The following NWD1 variants were observed in gnomAD, a reference collection of about 807,000 sequenced individuals.
NWD1 encodes NACHT and WD repeat domain containing 1.
NWD1 carries 129 observed loss-of-function variants against 135.1 expected under a neutral mutation model. The ratio of observed to expected loss-of-function variants is 0.96; its 90% CI spans 0.83 to 1.11. The LOEUF (loss-of-function observed/expected upper bound fraction) is 1.11, where lower values mean the gene tolerates loss of function less well. NWD1 is among the 50% of genes least tolerant of loss of function. NWD1 has a pLI of 0.00. For missense variants in NWD1, 1,740 were observed against 1,851.3 expected, an observed-to-expected ratio of 0.94 and a Z score of 1.10; for synonymous variants, 773 against 786.0, an observed-to-expected ratio of 0.98 and a Z score of 0.28.
chr19:16,722,509 A>C (rs1599411456), intron 1 of NWD1, among the ~76,000 whole-genome samples: 1 of 151,664 alleles, frequency 6.6e-6, no homozygotes, highest in Admixed American at 6.6e-5. Flanking sequence ...GGCTGGTCTC[A>C]AACTCCTGAC....
chr19:16,759,958 T>C (rs539997897), intron 7 of NWD1, among the ~76,000 whole-genome samples: 1 of 152,022 alleles, frequency 6.6e-6, no homozygotes, highest in African/African-American at 2.4e-5. Flanking sequence ...CGCACCACTG[T>C]ACTCCAGCCT....
chr19:16,725,955 TG>T (rs1226326017), intron 2 of NWD1, among the ~76,000 whole-genome samples: 1 of 141,986 alleles, frequency 7.0e-6, no homozygotes, highest in African/African-American at 2.6e-5. Context: ...GTTTTTTTTT[TG>T]TTTGTTTTTT....
rs538490809 is a variant in NWD1 at position 16,759,199 on chromosome 19, C to A, written c.1770-26C>A. ...AATGCAGAAGACATGAGATGTGCCT[C>A]AAAGCCCCACTGGTCCTCCCTTCAG... On this transcript the variant is annotated intron_variant, in intron 6 of 18. Coordinates refer to ENST00000524140, the MANE Select transcript of NWD1 (RefSeq NM_001007525.5). The A allele has an allele frequency of 8.2e-6, 13 of 1,594,906 alleles. No individual in the cohort carries two copies. The East Asian group carries it at 2.2e-4, about 27-fold the overall frequency.
chr19:16,810,696 G>A (rs1385210223), intron 18 of NWD1, among the ~76,000 whole-genome samples: 6 of 152,142 alleles, frequency 3.9e-5, no homozygotes, highest in South Asian at 2.1e-4. Flanking sequence ...CCTGGAGTTC[G>A]AGGCTGTAGT....
At chr19:16,727,732 A>AG in intron 2 of NWD1, 2 of 153,418 alleles carry the variant, frequency 1.3e-5, no homozygotes, top group Non-Finnish European at 2.9e-5. Flanking sequence ...AGGCGGTGTC[A>AG]GGGCAATGGG....
chr19:16,799,364 T>C, intron 16 of NWD1, among the ~76,000 whole-genome samples: 1 of 151,486 alleles, frequency 6.6e-6, no homozygotes, highest in East Asian at 1.9e-4. Context: ...CTTGGCTGAT[T>C]TTTGTATTTT....
chr19:16,790,718 CTAGTA>C (rs1333602454), intron 13 of NWD1, among the ~76,000 whole-genome samples: 2 of 151,248 alleles, frequency 1.3e-5, no homozygotes, highest in African/African-American at 4.9e-5. Flanking sequence ...ATTCAAAGAC[CTAGTA>C]TAGTAAAAAT....
intron 8 of NWD1, among the ~76,000 whole-genome samples, chr19:16,763,004 G>C (rs1055344153): frequency 6.6e-6 from 1 of 151,848 alleles, no homozygotes; most frequent in African/African-American, 2.4e-5. Context: ...GGCTGGTCTC[G>C]AACTCCTGAT....
chr19:16,815,205 T>C lies in NWD1; in HGVS notation c.*166T>C. 1 of 812,418 alleles carries C rather than the reference T, an allele frequency of 1.2e-6. No individual in the cohort carries two copies. Among genetic ancestry groups the C allele is most frequent in the Non-Finnish European group, 2.2e-6 (1 of 447,000 alleles). 50.3% of individuals were successfully genotyped at this position (812,418 alleles called of 1,614,324 possible). On this transcript the variant is annotated 3_prime_UTR_variant, in exon 19 of 19. Coordinates refer to ENST00000524140, the MANE Select transcript of NWD1 (RefSeq NM_001007525.5). ...AACTTCAAGAAGGCAATGTGGATGG[T>C]CAAATCCAGGCAGAGAGAGGAGCTA...
chr19:16,807,433 C>T (rs548123092), intron 17 of NWD1, among the ~76,000 whole-genome samples, 153 bp from the exon 18 acceptor site: 5 of 152,148 alleles, frequency 3.3e-5, no homozygotes, highest in South Asian at 4.2e-4. Context: ...GTGGAGGTTA[C>T]GGTGACCTGA....
intron 6 of NWD1, among the ~76,000 whole-genome samples, chr19:16,756,351 T>C (rs943274289): frequency 6.6e-6 from 1 of 152,000 alleles, no homozygotes; most frequent in African/African-American, 2.4e-5. Flanking sequence ...TCACATTGAG[T>C]AGGCAGAGGA....
chr19:16,807,145 G>A (rs557942479), intron 17 of NWD1, among the ~76,000 whole-genome samples: 64 of 148,594 alleles, frequency 4.3e-4, no homozygotes, highest in Middle Eastern at 3.5e-3. Flanking sequence ...CTTCAGTCTC[G>A]CCACTGCACT....
At chr19:16,745,836 G>C (rs1968290066) in intron 5 of NWD1, among the ~76,000 whole-genome samples, 2 of 152,108 alleles carry the variant, frequency 1.3e-5, no homozygotes, top group Non-Finnish European at 2.9e-5. Context: ...AGGATCGCTG[G>C]AGCCCGGGAG....
At position 16,802,793 on chromosome 19, in the gene NWD1, G is replaced by A. The variant is rs111502996; in HGVS notation, c.3736+2631G>A. On this transcript the variant is annotated intron_variant, in intron 17 of 18. Transcript: ENST00000524140. ...AGGCAGGCGCATCATTTGAGGTCAGGTGTTCGAGACTAGCCTGGCCAACAT... is the reference window on the plus strand; with the variant it reads ...AGGCAGGCGCATCATTTGAGGTCAGATGTTCGAGACTAGCCTGGCCAACAT... Among the ~76,000 whole-genome samples, 227 of 152,110 alleles carry A rather than the reference G, an allele frequency of 1.5e-3. 2 individuals are homozygous for A. The highest frequency in any genetic ancestry group is 5.1e-3 in the African/African-American group (211 of 41,488).
At chr19:16,765,625 A>G (rs1969193909) in intron 10 of NWD1, among the ~76,000 whole-genome samples, 2 of 152,094 alleles carry the variant, frequency 1.3e-5, no homozygotes, top group Admixed American at 6.6e-5. Context: ...GACATGAGCC[A>G]TGGCGCCTGG....
Position 16,773,151 on chromosome 19 carries a change from G to C in NWD1, c.2436G>C (p.Leu812=). 6.2e-7 allele frequency: 1 copy of C among 1,613,948 alleles called. No individual in the cohort carries two copies. Among genetic ancestry groups the C allele is most frequent in the Admixed American group, 1.7e-5 (1 of 60,022 alleles). ...GMERSLLYTE[L]LARLHFFATS... ...AGAGGAGCCTCCTGTACACAGAACT[G>C]CTGGCCAGACTCCATTTCTTCGCCA... Residue 812 remains leucine, a synonymous_variant, in exon 11 of 19, where the codon CTG becomes CTC. Coordinates refer to ENST00000524140, the MANE Select transcript of NWD1 (RefSeq NM_001007525.5).
At chr19:16,735,486 A>G (rs1934078619) in intron 3 of NWD1, among the ~76,000 whole-genome samples, 1 of 151,024 alleles carries the variant, frequency 6.6e-6, no homozygotes, top group Non-Finnish European at 1.5e-5. Flanking sequence ...AGCCTGGGTG[A>G]CAGAGCAAGA....
chr19:16,732,507 T>C (rs1187581269), intron 3 of NWD1, among the ~76,000 whole-genome samples: 1 of 150,864 alleles, frequency 6.6e-6, no homozygotes, highest in Non-Finnish European at 1.5e-5. Context: ...ACATGCCTTT[T>C]TCTAGAACGC....
rs1968226350 is a variant in NWD1, at chr19:16,744,607, G to T, written c.385G>T (p.Ala129Ser). Residue 129 changes from alanine to serine, a missense_variant, in exon 5 of 19, where the codon GCC becomes TCC. Physicochemically the swap from Ala to Ser is moderately conservative, Grantham distance 99. Coordinates refer to ENST00000524140, the MANE Select transcript of NWD1 (RefSeq NM_001007525.5). ...CCTGCAGGCACCAGGTACTGGGGAG[G>T]CCTGTGAACCAGAGGAGGCCACCTT... The part of the protein sequence containing the change: ...YVLQAPGTGE[A>S]CEPEEATLTS... 1.3e-6 allele frequency: 2 copies of T among 1,535,286 alleles called. No homozygotes were observed. The highest frequency in any genetic ancestry group is 2.7e-5 in the African/African-American group (2 of 73,142).
Sources: gnomAD v4.1 joint callset for allele counts (sites outside exome capture counted in the v4.1 genomes callset) on GRCh38, gnomAD v4.1.1 for gene constraint, MANE v1.5 for transcripts, NCBI Gene and HGNC (gene_info 2026-07-23, HGNC 2026-07-21) for gene names.